The following DYM variants were observed in gnomAD, a reference collection of about 807,000 sequenced individuals.
The protein encoded by DYM is dymeclin.
In DYM, 78 loss-of-function variants were observed where a neutral mutation model predicts 93.1. The ratio of observed to expected loss-of-function variants is 0.84; its 90% confidence interval spans 0.70 to 1.01. DYM has a LOEUF of 1.01. Ranked by LOEUF, DYM falls within the 50% of genes least tolerant of loss-of-function variation. The pLI is 0.00. For missense variants in DYM, 789 were observed against 845.0 expected, an observed-to-expected ratio of 0.93 and a Z score of 0.82; for synonymous variants, 321 against 319.7, an observed-to-expected ratio of 1.00 and a Z score of -0.04.
chr18:49,073,780 C>A (rs181668674), intron 17 of DYM, among the ~76,000 whole-genome samples: 3 of 152,166 alleles, frequency 2.0e-5, no homozygotes, highest in Admixed American at 6.5e-5. Context: ...CCTCTTTAAC[C>A]ATTTAATCCA....
At chr18:49,357,860 A>G (rs1223264428) in intron 6 of DYM, among the ~76,000 whole-genome samples, 3 of 152,172 alleles carry the variant, frequency 2.0e-5, no homozygotes, top group Non-Finnish European at 4.4e-5. Flanking sequence ...GTGTTAAGAC[A>G]AAAAACAGGC....
intron 8 of DYM, among the ~76,000 whole-genome samples, chr18:49,310,851 G>T (rs1333111520): frequency 6.6e-6 from 1 of 151,710 alleles, no homozygotes; most frequent in African/African-American, 2.4e-5. Flanking sequence ...AAACAATAAG[G>T]GCCACATTTA....
intron 14 of DYM, among the ~76,000 whole-genome samples, chr18:49,172,981 G>A (rs1600335434): frequency 6.6e-6 from 1 of 150,928 alleles, no homozygotes; most frequent in Middle Eastern, 3.4e-3. Context: ...TATATGGCAT[G>A]AAGAGTCACA....
At chr18:49,227,754 A>T (rs1441263013) in intron 13 of DYM, among the ~76,000 whole-genome samples, 1 of 152,116 alleles carries the variant, frequency 6.6e-6, no homozygotes, top group Admixed American at 6.6e-5. Context: ...AACCACTCTA[A>T]TTGAAGTATC....
At chr18:49,080,540 G>A (rs564658820) in intron 17 of DYM, among the ~76,000 whole-genome samples, 2,301 of 137,510 alleles carry the variant, frequency 0.017, 12 homozygotes, top group South Asian at 0.04. Flanking sequence ...AGGGGCGGCC[G>A]GGCAGAGGCG....
chr18:49,321,908 A>G (rs539870296), intron 8 of DYM, among the ~76,000 whole-genome samples: 30 of 152,190 alleles, frequency 2.0e-4, no homozygotes, highest in African/African-American at 7.0e-4. Context: ...TTTCACAACT[A>G]TGCCTGTTTC....
intron 8 of DYM, among the ~76,000 whole-genome samples, chr18:49,315,251 C>A (rs2061853555): frequency 6.6e-6 from 1 of 151,596 alleles, no homozygotes; most frequent in African/African-American, 2.4e-5. Flanking sequence ...TTGCTTATTT[C>A]TTTAACCATT....
At chr18:49,268,225 G>C (rs572183060) in intron 11 of DYM, among the ~76,000 whole-genome samples, 4 of 152,254 alleles carry the variant, frequency 2.6e-5, no homozygotes, top group African/African-American at 9.6e-5. Context: ...ATGATTCCAT[G>C]TAGAGAAACT....
intron 1 of DYM, among the ~76,000 whole-genome samples, chr18:49,439,993 G>C (rs751082677): frequency 6.7e-6 from 1 of 148,842 alleles, no homozygotes; most frequent in Non-Finnish European, 1.5e-5. Flanking sequence ...CTGGGCAACA[G>C]AGGGAGACTC....
intron 14 of DYM, among the ~76,000 whole-genome samples, chr18:49,197,238 G>C (rs2091542512): frequency 6.6e-6 from 1 of 152,082 alleles, no homozygotes; most frequent in Non-Finnish European, 1.5e-5. Flanking sequence ...TGGATGTCAT[G>C]TAAAGTCATA....
chr18:49,203,896 A>AG (rs2092320238), intron 14 of DYM, among the ~76,000 whole-genome samples: 1 of 135,074 alleles, frequency 7.4e-6, no homozygotes, highest in East Asian at 2.1e-4. Context: ...AAAAAAAAAA[A>AG]AACAACTCTG....
chr18:49,315,080 T>C (rs866114374), intron 8 of DYM, among the ~76,000 whole-genome samples: 5 of 152,058 alleles, frequency 3.3e-5, no homozygotes, highest in Non-Finnish European at 7.4e-5. Flanking sequence ...CTGGGTATAG[T>C]GGCATATGCC....
rs1201542233 is a variant in DYM, at chr18:49,396,359, C to T, written c.141-4714G>A. 3.3e-5 allele frequency among the ~76,000 whole-genome samples: 5 copies of T among 152,248 alleles called. No individual in the cohort carries two copies. In the East Asian group the frequency reaches 9.6e-4, roughly 29 times the overall value. On this transcript the variant is annotated intron_variant, in intron 2 of 17. Coordinates refer to ENST00000675505, the MANE Select transcript of DYM (RefSeq NM_001353214.3). The stretch of plus-strand genomic sequence containing the variant: ...TGTTGGGTATAAACATTGAGCATCC[C>T]TTACCCAAAATGCTTGAGACCAGGA...
At chr18:49,193,299 A>G (rs1342434591) in intron 14 of DYM, among the ~76,000 whole-genome samples, 1 of 152,212 alleles carries the variant, frequency 6.6e-6, no homozygotes, top group East Asian at 1.9e-4. Flanking sequence ...ACTGGGCAAA[A>G]AAAAAAATAT....
At chr18:49,289,772 T>TATATAC (rs1555678772) in intron 8 of DYM, among the ~76,000 whole-genome samples, 42 of 36,606 alleles carry the variant, frequency 1.1e-3, no homozygotes, top group South Asian at 8.6e-3. Context: ...TATATATATA[T>TATATAC]ACACATATAT....
chr18:49,154,982 A>G (rs2086234866), intron 15 of DYM, among the ~76,000 whole-genome samples: 1 of 152,218 alleles, frequency 6.6e-6, no homozygotes, highest in Admixed American at 6.5e-5. Flanking sequence ...TGGTTTATAT[A>G]TCATGGGTAT....
chr18:49,118,651 TCTTA>T (rs763115468), intron 16 of DYM, 89 bp downstream of exon 16: 22 of 1,188,618 alleles, frequency 1.9e-5, no homozygotes, highest in Middle Eastern at 2.4e-4. Context: ...AAGAAGAAAC[TCTTA>T]CTATTATAGT....
rs900804116 is a variant in DYM, at chr18:49,322,180, G to A, written c.763+9684C>T. Among the ~76,000 whole-genome samples, 9 of 151,964 alleles carry A rather than the reference G, an allele frequency of 5.9e-5. No homozygotes were observed. In the East Asian group the frequency reaches 1.5e-3, roughly 26 times the overall value. ...AAACACTCCTTTGGCCTTATAATTTGGCTTGGACACCCACCATTGCAAGCA... is the reference window on the plus strand; with the variant it reads ...AAACACTCCTTTGGCCTTATAATTTAGCTTGGACACCCACCATTGCAAGCA... On this transcript the variant is annotated intron_variant, in intron 8 of 17. Transcript: ENST00000675505.
At chr18:49,434,960 C>G (rs1440949113) in intron 1 of DYM, among the ~76,000 whole-genome samples, 1 of 152,018 alleles carries the variant, frequency 6.6e-6, no homozygotes, top group Admixed American at 6.6e-5. Flanking sequence ...ATAATCCCAG[C>G]ACTTTAGGAA....
Sources: allele counts gnomAD v4.1 joint callset (sites outside exome capture counted in the v4.1 genomes callset), GRCh38; gene constraint gnomAD v4.1.1; transcripts MANE v1.5; gene names NCBI Gene and HGNC (gene_info 2026-07-23, HGNC 2026-07-21).